ANKRD46: variants seen among roughly 807,000 people sequenced by gnomAD.
ANKRD46 encodes ankyrin repeat domain-containing protein 46.
ANKRD46 carries 13 observed loss-of-function variants against 19.8 expected under a neutral mutation model. That is an observed-to-expected ratio of 0.66 (90% confidence interval 0.43 to 1.04). ANKRD46 has a LOEUF of 1.04. Among genes scored for constraint, ANKRD46 ranks in the 50% least tolerant of loss-of-function variants. The pLI, the probability that ANKRD46 is intolerant of heterozygous loss-of-function variation, is 0.00. For missense variants in ANKRD46, 185 were observed against 274.8 expected, an observed-to-expected ratio of 0.67 and a Z score of 2.31; for synonymous variants, 91 against 106.9, an observed-to-expected ratio of 0.85 and a Z score of 0.92.
chr8:100,512,839 T>C (rs1474622038), intron 5 of ANKRD46, among the ~76,000 whole-genome samples: 1 of 152,212 alleles, frequency 6.6e-6, no homozygotes, highest in African/African-American at 2.4e-5. Context: ...CATTGTAAAA[T>C]TTCATGATTG....
At chr8:100,535,969 T>C (rs1812057176) in intron 1 of ANKRD46, among the ~76,000 whole-genome samples, 1 of 152,078 alleles carries the variant, frequency 6.6e-6, no homozygotes, top group African/African-American at 2.4e-5. Context: ...CTGTTGAGCA[T>C]GAAGATGTCT....
At chr8:100,549,061 G>A (rs1383390541) in intron 1 of ANKRD46, among the ~76,000 whole-genome samples, 1 of 148,522 alleles carries the variant, frequency 6.7e-6, no homozygotes, top group African/African-American at 2.5e-5. Flanking sequence ...AAAAAAAAAA[G>A]TAATTTGGGT....
In ANKRD46 at chr8:100,521,048, G is replaced by C; in HGVS notation, c.*1507C>G. 2 of 984,864 alleles carry C rather than the reference G, an allele frequency of 2.0e-6. No individual in the cohort carries two copies. Among genetic ancestry groups the C allele is most frequent in the Non-Finnish European group, 2.4e-6 (2 of 829,880 alleles). The allele number at this position is 984,864 out of a possible 1,614,324, so 61.0% of individuals were successfully genotyped here. On this transcript the variant is annotated 3_prime_UTR_variant, in exon 5 of 5. Transcript: ENST00000335659. ...ATTTACACCAACTATGATTTACTTTGTTTGTATCTAACCTAAAAGCAAGAC... is the reference window on the plus strand; with the variant it reads ...ATTTACACCAACTATGATTTACTTTCTTTGTATCTAACCTAAAAGCAAGAC...
chr8:100,522,864 TACACACACACACACACACAC>T lies in ANKRD46; in HGVS notation c.471-113_471-94del, dbSNP rs199938933. On this transcript the variant is annotated intron_variant, in intron 4 of 4. Transcript: ENST00000335659. ...GGGCTACTATTTAGAAAAGACCAAA[TACACACACACACACACACAC>T]ACACACACACACACACACACATATA... 6.7e-5 allele frequency: 40 copies of T among 594,264 alleles called. No homozygotes were observed. In the South Asian group the frequency reaches 7.6e-4, roughly 11 times the overall value. 36.8% of individuals were successfully genotyped at this position (594,264 alleles called of 1,614,324 possible). A position where few individuals can be genotyped will look rare whatever the true frequency, so the allele number is the denominator to read the frequency against.
chr8:100,555,989 T>C (rs781122417), intron 1 of ANKRD46, among the ~76,000 whole-genome samples: 10 of 152,214 alleles, frequency 6.6e-5, no homozygotes, highest in Admixed American at 1.3e-4. Flanking sequence ...GACATTAACT[T>C]GCTGAGGGCA....
At position 100,557,118 on chromosome 8, in the gene ANKRD46, A is replaced by T. The variant is rs1308722967; in HGVS notation, c.-131+2593T>A. ...TAAGTTTACAAATTTGGGTTGCACA[A>T]GCTTGCATTAGTGACTTCCCAAATT... On this transcript the variant is annotated intron_variant, in intron 1 of 4. Coordinates refer to ENST00000335659, the MANE Select transcript of ANKRD46 (RefSeq NM_001270377.2). The surrounding 1 kb of genome is among the most constrained non-coding windows in gnomAD (Gnocchi z 5.9). Among the ~76,000 whole-genome samples, 1 of 152,198 alleles carries T rather than the reference A, an allele frequency of 6.6e-6. No homozygotes were observed. Among genetic ancestry groups the T allele is most frequent in the Non-Finnish European group, 1.5e-5 (1 of 68,028 alleles).
At position 100,521,276 on chromosome 8, in the gene ANKRD46, T is replaced by C. The variant is rs1290332021; in HGVS notation, c.*1279A>G. On this transcript the variant is annotated 3_prime_UTR_variant, in exon 5 of 5. Transcript: ENST00000335659. ...ATTCTAGCAGCAATTCAATTAGCAATAGCTTAGGTGCCTTTATTCCAAAAA... is the reference window on the plus strand; with the variant it reads ...ATTCTAGCAGCAATTCAATTAGCAACAGCTTAGGTGCCTTTATTCCAAAAA... 1 of 985,290 alleles carries C rather than the reference T, an allele frequency of 1.0e-6. No homozygotes were observed. Among genetic ancestry groups the C allele is most frequent in the African/African-American group, 1.7e-5 (1 of 57,286 alleles). 61.0% of individuals were successfully genotyped at this position (985,290 alleles called of 1,614,324 possible).
intron 5 of ANKRD46, among the ~76,000 whole-genome samples, chr8:100,515,090 T>C (rs561417406): frequency 5.9e-5 from 9 of 152,252 alleles, no homozygotes; most frequent in Non-Finnish European, 1.3e-4. Context: ...TAAATGTTTT[T>C]TTGTTTTTGT....
Position 100,521,206 on chromosome 8 carries a change from A to G in ANKRD46, c.*1349T>C. The G allele has an allele frequency of 3.0e-6, 3 of 985,254 alleles. No homozygotes were observed. Among genetic ancestry groups the G allele is most frequent in the Non-Finnish European group, 3.6e-6 (3 of 829,910 alleles). 61.0% of individuals were successfully genotyped at this position (985,254 alleles called of 1,614,324 possible). Reference sequence around the variant, plus strand: ...TACAAGAGAAAATACCAAGAAGCAAAAAGAATCACAGAAATACCAATTCTA... The same window carrying G: ...TACAAGAGAAAATACCAAGAAGCAAGAAGAATCACAGAAATACCAATTCTA... On this transcript the variant is annotated 3_prime_UTR_variant, in exon 5 of 5. Transcript: ENST00000335659.
intron 2 of ANKRD46, among the ~76,000 whole-genome samples, chr8:100,530,330 C>A (rs1811932317): frequency 6.6e-6 from 1 of 152,094 alleles, no homozygotes; most frequent in South Asian, 2.1e-4. Context: ...ACTAAAACTA[C>A]TTGCATGAAA....
At chr8:100,515,272 C>T (rs1218222424) in intron 5 of ANKRD46, among the ~76,000 whole-genome samples, 1 of 152,168 alleles carries the variant, frequency 6.6e-6, no homozygotes, top group African/African-American at 2.4e-5. Flanking sequence ...CTAGCCAGTA[C>T]AAAATGTGGT....
chr8:100,524,502 A>C lies in ANKRD46; in HGVS notation c.471-1731T>G, dbSNP rs565030871. Reference sequence around the variant, plus strand: ...ATGGGCCAGTCTGCTTAACACCCAAACTTTTTTTTTTTTAATAATTAAAAC... The same window carrying C: ...ATGGGCCAGTCTGCTTAACACCCAACCTTTTTTTTTTTTAATAATTAAAAC... On this transcript the variant is annotated intron_variant, in intron 4 of 4. Transcript: ENST00000335659. The surrounding 1 kb of genome is among the most constrained non-coding windows in gnomAD (Gnocchi z 4.3). Among the ~76,000 whole-genome samples the C allele has an allele frequency of 0.012, 832 of 71,516 alleles. 7 individuals are homozygous for C. Among genetic ancestry groups the C allele is most frequent in the Middle Eastern group, 0.043 (7 of 162 alleles). The allele number at this position is 71,516 out of a possible 152,430, so 46.9% of individuals were successfully genotyped here.
In ANKRD46 at chr8:100,521,072, ACT is replaced by A. The variant is rs1811714818; in HGVS notation, c.*1481_*1482del. 2 of 984,958 alleles carry A rather than the reference ACT, an allele frequency of 2.0e-6. No individual in the cohort carries two copies. Among genetic ancestry groups the A allele is most frequent in the Non-Finnish European group, 2.4e-6 (2 of 829,898 alleles). 61.0% of individuals were successfully genotyped at this position (984,958 alleles called of 1,614,324 possible). On this transcript the variant is annotated 3_prime_UTR_variant, in exon 5 of 5. Coordinates refer to ENST00000335659, the MANE Select transcript of ANKRD46 (RefSeq NM_001270377.2). ...TGTTTGTATCTAACCTAAAAGCAAGACTCTGCAAGCTGATCCTGAAGCAGCCA... is the reference window on the plus strand; with the variant it reads ...TGTTTGTATCTAACCTAAAAGCAAGACTGCAAGCTGATCCTGAAGCAGCCA...
Position 100,543,162 on chromosome 8 carries a change from AGTTTT to A in ANKRD46, c.-130-9856_-130-9852del, listed in dbSNP as rs1179308062. Reference sequence around the variant, plus strand: ...GAATTGTCAAAGACTATGGATCTTAAGTTTTAATAGCTACATAGCTCTTCCAGATT... The same window carrying A: ...GAATTGTCAAAGACTATGGATCTTAAAATAGCTACATAGCTCTTCCAGATT... On this transcript the variant is annotated intron_variant, in intron 1 of 4. Coordinates refer to ENST00000335659, the MANE Select transcript of ANKRD46 (RefSeq NM_001270377.2). This position sits in a 1 kb window ranked among gnomAD's most constrained non-coding sequence, Gnocchi z 4.2. Among the ~76,000 whole-genome samples, 2 of 152,182 alleles carry A rather than the reference AGTTTT, an allele frequency of 1.3e-5. No homozygotes were observed. Among genetic ancestry groups the A allele is most frequent in the Non-Finnish European group, 2.9e-5 (2 of 68,032 alleles).
chr8:100,539,523 T>C (rs1812132962), intron 1 of ANKRD46, among the ~76,000 whole-genome samples: 1 of 152,330 alleles, frequency 6.6e-6, no homozygotes. Flanking sequence ...TTTGGAGCAA[T>C]TTTTAGGCAG....
downstream of ANKRD46, chr8:100,520,761 A>T: frequency 7.2e-5 from 63 of 875,544 alleles, no homozygotes; most frequent in South Asian, 1.1e-4. Flanking sequence ...AAAAAAAAAG[A>T]GAAATCGTGA....
intron 5 of ANKRD46, among the ~76,000 whole-genome samples, chr8:100,513,420 TAC>T (rs998452570): frequency 9.2e-5 from 14 of 152,330 alleles, no homozygotes; most frequent in African/African-American, 2.9e-4. Flanking sequence ...ACTTAAATAA[TAC>T]AGTTATTATT....
chr8:100,522,470 C>T lies in ANKRD46; in HGVS notation c.*85G>A, dbSNP rs1386612978. On this transcript the variant is annotated 3_prime_UTR_variant, in exon 5 of 5. Transcript: ENST00000335659. The stretch of plus-strand genomic sequence containing the variant: ...AACATGTACTGCCCTCACTGCTTTG[C>T]GCTAAGAAAAATTCTGAGAAACTGA... The T allele has an allele frequency of 5.8e-6, 9 of 1,552,906 alleles. No homozygotes were observed. The East Asian group carries it at 7.1e-5, about 12-fold the overall frequency.
chr8:100,548,963 T>A (rs1321378797), intron 1 of ANKRD46, among the ~76,000 whole-genome samples: 2 of 152,002 alleles, frequency 1.3e-5, no homozygotes, highest in East Asian at 1.9e-4. Flanking sequence ...AAATGCAATA[T>A]GATATACACC....
Sources: gnomAD v4.1 joint callset for allele counts (sites outside exome capture counted in the v4.1 genomes callset) on GRCh38, gnomAD v4.1.1 for gene constraint, Gnocchi (gnomAD v3.1) non-coding constraint, MANE v1.5 for transcripts, NCBI Gene and HGNC (gene_info 2026-07-23, HGNC 2026-07-21) for gene names.